PTPN4: variants seen among roughly 807,000 people sequenced by gnomAD.
PTPN4 encodes tyrosine-protein phosphatase non-receptor type 4.
In PTPN4, 49 loss-of-function variants were observed where a neutral mutation model predicts 135.5. The observed-to-expected ratio is 0.36, with a 90% CI of 0.29 to 0.46. The LOEUF (loss-of-function observed/expected upper bound fraction) is 0.46. Among genes scored for constraint, PTPN4 ranks in the 20% least tolerant of loss-of-function variants. The pLI is 1.00. For missense variants in PTPN4, 860 were observed against 1,101.0 expected, an observed-to-expected ratio of 0.78 and a Z score of 3.10; for synonymous variants, 333 against 369.9, an observed-to-expected ratio of 0.90 and a Z score of 1.14.
At chr2:119,905,599 C>G (rs991688120) in intron 10 of PTPN4, among the ~76,000 whole-genome samples, 1 of 152,258 alleles carries the variant, frequency 6.6e-6, no homozygotes, top group Non-Finnish European at 1.5e-5. Flanking sequence ...TTAATCTGCA[C>G]GGTAGACCAA....
intron 3 of PTPN4, among the ~76,000 whole-genome samples, chr2:119,872,970 T>C (rs181113883): frequency 1.3e-5 from 2 of 152,290 alleles, no homozygotes; most frequent in East Asian, 1.9e-4. Context: ...ATAGGAACCC[T>C]GAACAGTTTG....
chr2:119,767,829 A>T (rs536782839), intron 1 of PTPN4, among the ~76,000 whole-genome samples: 2 of 152,350 alleles, frequency 1.3e-5, no homozygotes, highest in South Asian at 4.1e-4. Flanking sequence ...GCTACTAGCG[A>T]TGTTTAACTT....
intron 15 of PTPN4, among the ~76,000 whole-genome samples, chr2:119,940,481 A>T (rs1679045173): frequency 6.6e-6 from 1 of 152,182 alleles, no homozygotes; most frequent in South Asian, 2.1e-4. Context: ...TTTAAGAGAC[A>T]GGGTCTCTTT....
intron 5 of PTPN4, among the ~76,000 whole-genome samples, chr2:119,878,435 G>A (rs1443419779): frequency 6.6e-6 from 1 of 152,142 alleles, no homozygotes; most frequent in African/African-American, 2.4e-5. Flanking sequence ...TACTCTAAAA[G>A]ATAGGTGTCA....
intron 1 of PTPN4, among the ~76,000 whole-genome samples, 188 bp from the exon 2 acceptor site, chr2:119,809,649 G>A (rs1201582801): frequency 6.6e-6 from 1 of 151,804 alleles, no homozygotes; most frequent in African/African-American, 2.4e-5. Flanking sequence ...TTTCAAAGCA[G>A]TGGTAACTTT....
chr2:119,876,621 A>G (rs1050788620), intron 3 of PTPN4, among the ~76,000 whole-genome samples: 1 of 152,100 alleles, frequency 6.6e-6, no homozygotes, highest in South Asian at 2.1e-4. Flanking sequence ...TAATTGAAAC[A>G]TGTTAGCAGT....
intron 9 of PTPN4, among the ~76,000 whole-genome samples, chr2:119,897,095 TTTTG>T (rs1174973535): frequency 1.3e-5 from 2 of 152,050 alleles, no homozygotes; most frequent in Non-Finnish European, 2.9e-5. Flanking sequence ...AATTTTTGTT[TTTTG>T]TTTGTTTGTT....
rs1679683038 is a variant in PTPN4, at chr2:119,980,960, A to T, written c.*3890A>T. ...TAATGTGAACATGTAAGATAAGTAA[A>T]TAAAGCATTACTTGTTTTATAATAT... On this transcript the variant is annotated 3_prime_UTR_variant, in exon 27 of 27. Transcript: ENST00000263708. 1.3e-5 allele frequency: 2 copies of T among 152,084 alleles called. No homozygotes were observed. The highest frequency in any genetic ancestry group is 4.8e-5 in the African/African-American group (2 of 41,458). The allele number at this position is 152,084 out of a possible 1,614,324, so 9.4% of individuals were successfully genotyped here.
intron 1 of PTPN4, among the ~76,000 whole-genome samples, chr2:119,766,463 T>C (rs879331855): frequency 0.19 from 23,549 of 126,118 alleles, 2,281 homozygotes; most frequent in African/African-American, 0.28. Flanking sequence ...TGTGTGTGTG[T>C]GTGTGTGTGT....
At chr2:119,847,328 A>ATATATATATAT (rs1257711116) in intron 2 of PTPN4, among the ~76,000 whole-genome samples, 53 of 102,706 alleles carry the variant, frequency 5.2e-4, no homozygotes, top group Non-Finnish European at 7.9e-4. Flanking sequence ...ATATATATAT[A>ATATATATATAT]TTTTTTTTTT....
At chr2:119,824,891 T>G (rs1677124763) in intron 2 of PTPN4, among the ~76,000 whole-genome samples, 1 of 152,188 alleles carries the variant, frequency 6.6e-6, no homozygotes, top group Non-Finnish European at 1.5e-5. Context: ...TTTCACCATG[T>G]TGGCCAGGCT....
At chr2:119,843,186 G>T (rs1327235761) in intron 2 of PTPN4, among the ~76,000 whole-genome samples, 2 of 146,578 alleles carry the variant, frequency 1.4e-5, no homozygotes, top group Non-Finnish European at 3.0e-5. Flanking sequence ...AGCTTTTTTA[G>T]AATATTCTGC....
intron 9 of PTPN4, among the ~76,000 whole-genome samples, chr2:119,888,758 G>C (rs1678196185): frequency 6.6e-6 from 1 of 152,130 alleles, no homozygotes; most frequent in South Asian, 2.1e-4. Context: ...GTTGGTGTCT[G>C]TGTTCACTAG....
At chr2:119,871,059 G>T (rs1351309428) in intron 3 of PTPN4, among the ~76,000 whole-genome samples, 2 of 150,936 alleles carry the variant, frequency 1.3e-5, no homozygotes, top group Non-Finnish European at 3.0e-5. Flanking sequence ...TAGAAAAATG[G>T]GAAGATAGCA....
intron 22 of PTPN4, among the ~76,000 whole-genome samples, chr2:119,958,158 G>A (rs1054705714): frequency 3.4e-4 from 51 of 151,300 alleles, no homozygotes; most frequent in Non-Finnish European, 4.3e-4. Context: ...CCCATTTCTC[G>A]AATAAAAATA....
At chr2:119,877,908 T>C (rs756842379) in intron 5 of PTPN4, among the ~76,000 whole-genome samples, 6 of 152,036 alleles carry the variant, frequency 3.9e-5, no homozygotes, top group Non-Finnish European at 7.4e-5. Context: ...TTTTTTCCCA[T>C]GTGAAAGCAT....
At chr2:119,976,277 G>A (rs992219796) in intron 26 of PTPN4, among the ~76,000 whole-genome samples, 6 of 152,122 alleles carry the variant, frequency 3.9e-5, no homozygotes, top group East Asian at 1.9e-4. Context: ...GATTACAGGC[G>A]TGAGCCACCG....
intron 2 of PTPN4, among the ~76,000 whole-genome samples, chr2:119,824,476 T>C (rs1316212282): frequency 6.6e-6 from 1 of 152,204 alleles, no homozygotes; most frequent in African/African-American, 2.4e-5. Context: ...GTAGTGTTTT[T>C]ATATCTTTGC....
chr2:119,786,209 A>G (rs771683918), intron 1 of PTPN4, among the ~76,000 whole-genome samples: 1 of 152,176 alleles, frequency 6.6e-6, no homozygotes, highest in African/African-American at 2.4e-5. Context: ...GTATTTTATA[A>G]CAGTTGAGAG....
Sources: gnomAD v4.1 joint callset for allele counts (sites outside exome capture counted in the v4.1 genomes callset) on GRCh38, gnomAD v4.1.1 for gene constraint, MANE v1.5 for transcripts, NCBI Gene and HGNC (gene_info 2026-07-23, HGNC 2026-07-21) for gene names.